The following NCALD variants were observed in gnomAD, a reference collection of about 807,000 sequenced individuals.
The protein encoded by NCALD is neurocalcin-delta.
Under a neutral mutation model 18.6 loss-of-function variants are expected in NCALD, and 10 were observed. The ratio of observed to expected loss-of-function variants is 0.54; its 90% CI spans 0.33 to 0.91. The LOEUF (loss-of-function observed/expected upper bound fraction) is 0.91. Ranked by LOEUF, NCALD falls within the 40% of genes least tolerant of loss-of-function variation. The pLI, the probability that NCALD is intolerant of heterozygous loss-of-function variation, is 0.03. For synonymous variants in NCALD, 88 were observed against 87.4 expected (o/e 1.01, Z -0.04); for missense variants, 184 against 247.6 (o/e 0.74, Z 1.72).
chr8:102,012,592 C>T (rs556478121), intron 2 of NCALD, among the ~76,000 whole-genome samples: 1 of 152,284 alleles, frequency 6.6e-6, no homozygotes, highest in Admixed American at 6.5e-5. Flanking sequence ...GAGCTACTGC[C>T]CAGTCATCTG....
At chr8:101,983,465 T>G (rs147626683) in intron 2 of NCALD, among the ~76,000 whole-genome samples, 49 of 152,314 alleles carry the variant, frequency 3.2e-4, no homozygotes, top group African/African-American at 1.2e-3. Context: ...TGGGATGAAT[T>G]TTATGCAATC....
chr8:102,040,171 G>A (rs1822999787), intron 1 of NCALD, among the ~76,000 whole-genome samples: 1 of 152,070 alleles, frequency 6.6e-6, no homozygotes, highest in South Asian at 2.1e-4. Context: ...CATGTTTATT[G>A]CTATTTTTAT....
intron 1 of NCALD, among the ~76,000 whole-genome samples, chr8:101,750,893 C>G (rs891589202): frequency 6.6e-6 from 1 of 152,140 alleles, no homozygotes. Context: ...TGATGACATG[C>G]CTTCTGCAGA....
At chr8:101,967,832 T>G (rs541774506) in intron 2 of NCALD, among the ~76,000 whole-genome samples, 56 of 146,214 alleles carry the variant, frequency 3.8e-4, no homozygotes, top group Middle Eastern at 7.0e-3. Context: ...GACACAGCTC[T>G]TAAAATTGAC....
intron 1 of NCALD, among the ~76,000 whole-genome samples, chr8:102,043,367 C>CTT (rs1823120581): frequency 6.6e-6 from 1 of 151,762 alleles, no homozygotes; most frequent in Non-Finnish European, 1.5e-5. Flanking sequence ...CTTCCTGCTG[C>CTT]CTTCTGTAAT....
At chr8:101,887,252 T>G (rs1816708960) in intron 3 of NCALD, 1 of 152,214 alleles carries the variant, frequency 6.6e-6, no homozygotes, top group South Asian at 2.1e-4. Flanking sequence ...AATTAGCGAA[T>G]ATTGTACTTG....
intron 2 of NCALD, among the ~76,000 whole-genome samples, chr8:101,929,162 A>G (rs189839846): frequency 1.6e-4 from 24 of 149,924 alleles, no homozygotes; most frequent in Non-Finnish European, 3.1e-4. Context: ...TGAGAATGTG[A>G]ACAGGAGCAA....
intron 2 of NCALD, among the ~76,000 whole-genome samples, chr8:101,981,361 T>C (rs1820613438): frequency 6.6e-6 from 1 of 152,248 alleles, no homozygotes; most frequent in Non-Finnish European, 1.5e-5. Context: ...TTGAGTTAAA[T>C]ATTTCTTCCA....
intron 2 of NCALD, among the ~76,000 whole-genome samples, chr8:101,990,479 C>G (rs1005717921): frequency 4.6e-5 from 7 of 152,140 alleles, no homozygotes; most frequent in Non-Finnish European, 1.5e-5. Flanking sequence ...AATTGTAGCT[C>G]CCACAATTCT....
At chr8:101,963,993 C>T (rs1819930964) in intron 2 of NCALD, among the ~76,000 whole-genome samples, 1 of 152,156 alleles carries the variant, frequency 6.6e-6, no homozygotes, top group Non-Finnish European at 1.5e-5. Flanking sequence ...CAAGGCAGTA[C>T]ATCCTATTAT....
chr8:102,050,849 T>G (rs181732193), intron 1 of NCALD, among the ~76,000 whole-genome samples: 204 of 146,586 alleles, frequency 1.4e-3, no homozygotes, highest in African/African-American at 4.9e-3. Context: ...ATTTTTAATT[T>G]AATTAATTAA....
At chr8:101,843,139 T>A (rs1563819186) in intron 4 of NCALD, among the ~76,000 whole-genome samples, 1 of 152,224 alleles carries the variant, frequency 6.6e-6, no homozygotes, top group East Asian at 1.9e-4. Flanking sequence ...AGGAGTTATA[T>A]GTGCACAATA....
chr8:102,082,705 G>GA (rs948619129), intron 1 of NCALD, among the ~76,000 whole-genome samples: 2 of 151,912 alleles, frequency 1.3e-5, no homozygotes, highest in Non-Finnish European at 2.9e-5. Flanking sequence ...TTTTAAAATT[G>GA]AAAAAAAGAA....
At chr8:101,706,829 T>A (rs950545430) in intron 2 of NCALD, among the ~76,000 whole-genome samples, 4 of 152,240 alleles carry the variant, frequency 2.6e-5, no homozygotes, top group African/African-American at 9.6e-5. Flanking sequence ...GTTTGCCAGA[T>A]ACCATACTTG....
At chr8:102,090,234 T>C (rs1039056733) in intron 1 of NCALD, among the ~76,000 whole-genome samples, 33 of 152,246 alleles carry the variant, frequency 2.2e-4, no homozygotes, top group Admixed American at 2.2e-3. Flanking sequence ...TTAGTGTATG[T>C]TATCAAAGTT....
At chr8:101,887,771 A>C (rs1200851988) in intron 3 of NCALD, among the ~76,000 whole-genome samples, 1 of 152,150 alleles carries the variant, frequency 6.6e-6, no homozygotes, top group Non-Finnish European at 1.5e-5. Context: ...CAGAAAACCC[A>C]GCTCAAACTC....
chr8:101,933,008 T>C (rs951251021), intron 2 of NCALD, among the ~76,000 whole-genome samples: 3 of 152,344 alleles, frequency 2.0e-5, no homozygotes, highest in South Asian at 2.1e-4. Context: ...TCTTCCCGGA[T>C]GCACACATAT....
chr8:102,013,570 G>T (rs980976425), intron 2 of NCALD, among the ~76,000 whole-genome samples: 5 of 152,120 alleles, frequency 3.3e-5, no homozygotes, highest in Admixed American at 1.3e-4. Context: ...CTCTTTACCT[G>T]GGCTGACTCC....
In NCALD at chr8:101,748,609, C is replaced by T. The variant is rs192235837; in HGVS notation, c.-19-28961G>A. Among the ~76,000 whole-genome samples the T allele has an allele frequency of 1.2e-4, 19 of 152,286 alleles. No individual in the cohort carries two copies. The East Asian group carries it at 2.9e-3, about 23-fold the overall frequency. On this transcript the variant is annotated intron_variant, in intron 1 of 3. Transcript: ENST00000220931. ...TTCCTATAAAAGCACTCCCCATGAACCAGTGCTTTACACACACTAACTCAT... is the reference window on the plus strand; with the variant it reads ...TTCCTATAAAAGCACTCCCCATGAATCAGTGCTTTACACACACTAACTCAT...
Sources: gnomAD v4.1 joint callset for allele counts (sites outside exome capture counted in the v4.1 genomes callset) on GRCh38, gnomAD v4.1.1 for gene constraint, MANE v1.5 for transcripts, NCBI Gene and HGNC (gene_info 2026-07-23, HGNC 2026-07-21) for gene names.